ZNF746: variants seen among roughly 807,000 people sequenced by gnomAD.
ZNF746 encodes parkin-interacting substrate.
Under a neutral mutation model 41.0 loss-of-function variants are expected in ZNF746, and 13 were observed. That is an observed-to-expected ratio of 0.32 (90% CI 0.21 to 0.50). The LOEUF is 0.50. Among genes scored for constraint, ZNF746 ranks in the 20% least tolerant of loss-of-function variants. ZNF746 has a pLI of 0.98. For synonymous variants in ZNF746, 424 were observed against 396.2 expected (o/e 1.07, Z -0.83); for missense variants, 811 against 922.9 (o/e 0.88, Z 1.57).
rs1000976830 is a variant in ZNF746, at chr7:149,475,502, C to A, written c.884-19G>T. The A allele has an allele frequency of 1.6e-5, 26 of 1,602,070 alleles. No homozygotes were observed. The Admixed American group carries it at 3.9e-4, about 24-fold the overall frequency. On this transcript the variant is annotated intron_variant, in intron 6 of 6. Coordinates refer to ENST00000458143, the MANE Select transcript of ZNF746 (RefSeq NM_001394198.1). The stretch of plus-strand genomic sequence containing the variant: ...ACATCTGCTGAGAAAGACAGAAAGA[C>A]AGATACTGACCTGTCCCTTAACTGC...
rs117247956 is a variant in ZNF746 at position 149,487,124 on chromosome 7, C to T, written c.565+5735G>A. On this transcript the variant is annotated intron_variant, in intron 4 of 6. Coordinates refer to ENST00000458143, the MANE Select transcript of ZNF746 (RefSeq NM_001394198.1). ...CGAACCCTATTGTGAACTGTGCATG[C>T]GAGGGGTCTGGGTCACACTCCCTTC... Among the ~76,000 whole-genome samples, 51 of 152,204 alleles carry T rather than the reference C, an allele frequency of 3.4e-4. 1 individual carries two copies. Among genetic ancestry groups the T allele is most frequent in the Middle Eastern group, 3.4e-3 (1 of 294 alleles).
intron 4 of ZNF746, among the ~76,000 whole-genome samples, chr7:149,481,649 C>A (rs558892079): frequency 4.6e-5 from 7 of 151,910 alleles, no homozygotes; most frequent in Non-Finnish European, 1.0e-4. Flanking sequence ...TACCATCAGA[C>A]CCACAAAAAA....
At chr7:149,482,403 T>C (rs1257024581) in intron 4 of ZNF746, among the ~76,000 whole-genome samples, 1 of 151,320 alleles carries the variant, frequency 6.6e-6, no homozygotes, top group Admixed American at 6.6e-5. Flanking sequence ...GTAAAAATAT[T>C]CATAGAAATA....
Position 149,475,108 on chromosome 7 carries a change from G to A in ZNF746, c.1259C>T (p.Ser420Phe). The change falls in exon 7 of 7, where the codon TCC becomes TTC. Residue 420 changes from serine (S) to phenylalanine (F), a missense_variant. Physicochemically the swap from Ser to Phe is radical, Grantham distance 155. This residue lies in a region of ZNF746 where 495 missense variants were observed against 481.6 expected (regional missense o/e 1.03). Transcript: ENST00000458143. ...RTGPEGLPYS[S>F]PDNGEAILDP... is the part of the protein sequence containing the mutation. ...CAAGATGGCCTCTCCGTTGTCCGGG[G>A]AGGAGTAAGGAAGCCCCTCGGGCCC... 3 of 1,610,050 alleles carry A rather than the reference G, an allele frequency of 1.9e-6. No individual in the cohort carries two copies. The highest frequency in any genetic ancestry group is 2.5e-6 in the Non-Finnish European group (3 of 1,178,920).
At chr7:149,482,580 T>A (rs1473559957) in intron 4 of ZNF746, among the ~76,000 whole-genome samples, 1 of 151,740 alleles carries the variant, frequency 6.6e-6, no homozygotes, top group Non-Finnish European at 1.5e-5. Context: ...TTCTCCTGCC[T>A]CAGCCTCCCG....
chr7:149,491,635 GA>G, intron 4 of ZNF746: 1 of 520,444 alleles, frequency 1.9e-6, no homozygotes, highest in Non-Finnish European at 3.5e-6. Context: ...CTGCCCTTAG[GA>G]AAGTGCAAAT....
Position 149,474,877 on chromosome 7 carries a change from G to A in ZNF746, c.1490C>T (p.Ser497Leu), listed in dbSNP as rs1163907035. 6.6e-7 allele frequency: 1 copy of A among 1,506,222 alleles called. No homozygotes were observed. The highest frequency in any genetic ancestry group is 1.2e-5 in the South Asian group (1 of 81,928). 93.3% of individuals were successfully genotyped at this position (1,506,222 alleles called of 1,614,324 possible). A position where few individuals can be genotyped will look rare whatever the true frequency, so the allele number is the denominator to read the frequency against. ...GCCGCCACCGCCTGTGCCCGGGCCC[G>A]ACCCGTCGGGCGCCCCACAGCTGCG... The part of the protein sequence containing the change: ...HQRSCGAPDG[S>L]GPGTGGGGSG... Residue 497 changes from serine (S) to leucine (L), a missense_variant, in exon 7 of 7, where the codon TCG becomes TTG. Physicochemically the swap from Ser to Leu is moderately radical, Grantham distance 145. This residue lies in a region of ZNF746 where 495 missense variants were observed against 481.6 expected (regional missense o/e 1.03). Coordinates refer to ENST00000458143, the MANE Select transcript of ZNF746 (RefSeq NM_001394198.1). The surrounding 1 kb of genome is among the most constrained non-coding windows in gnomAD (Gnocchi z 6.3).
Position 149,474,632 on chromosome 7 carries a change from C to A in ZNF746, c.1735G>T (p.Val579Leu). Residue 579 changes from valine (V) to leucine (L), a missense_variant, in exon 7 of 7, where the codon GTG becomes TTG. This residue lies in a region of ZNF746 where 70 missense variants were observed against 127.6 expected (regional missense o/e 0.55). Coordinates refer to ENST00000458143, the MANE Select transcript of ZNF746 (RefSeq NM_001394198.1). The surrounding 1 kb of genome is among the most constrained non-coding windows in gnomAD (Gnocchi z 6.3). ...LIDHYRTHTG[V>L]RPFTCTVCGK... ...CAGACGGTGCAGGTGAAGGGCCGCA[C>A]GCCCGTGTGCGTTCGGTAGTGGTCG... is the stretch of plus-strand genomic sequence containing the variant. The A allele has an allele frequency of 6.2e-7, 1 of 1,613,608 alleles. No individual in the cohort carries two copies. Among genetic ancestry groups the A allele is most frequent in the Non-Finnish European group, 8.5e-7 (1 of 1,179,804 alleles).
In ZNF746 at chr7:149,475,185, C is replaced by G; in HGVS notation, c.1182G>C (p.Arg394=). ...GTTTACACCGGAAATTCCAGCCCCACCGGACCCCTCCGAAGAGCCAGTCCC... is the reference window on the plus strand; with the variant it reads ...GTTTACACCGGAAATTCCAGCCCCAGCGGACCCCTCCGAAGAGCCAGTCCC... The part of the protein sequence containing the change: ...PPGDWLFGGV[R]WGWNFRCKPP... Residue 394 remains arginine (R), a synonymous_variant, in exon 7 of 7, where the codon CGG becomes CGC. Transcript: ENST00000458143. 1 of 1,612,726 alleles carries G rather than the reference C, an allele frequency of 6.2e-7. No individual in the cohort carries two copies. Among genetic ancestry groups the G allele is most frequent in the Admixed American group, 1.7e-5 (1 of 60,004 alleles).
At position 149,497,145 on chromosome 7, in the gene ZNF746, G is replaced by A; in HGVS notation, c.24+368C>T. ...GGTGCCACCAGGCCGCTGCGGGGGA[G>A]ATGGAGAGGGACCTACAGGCCGAGC... is the stretch of plus-strand genomic sequence containing the variant. On this transcript the variant is annotated intron_variant, in intron 1 of 6. Transcript: ENST00000458143. The surrounding 1 kb of genome is among the most constrained non-coding windows in gnomAD (Gnocchi z 4.2). The A allele has an allele frequency of 2.0e-6, 2 of 985,370 alleles. No homozygotes were observed. The highest frequency in any genetic ancestry group is 1.2e-6 in the Non-Finnish European group (1 of 829,912). 61.0% of individuals were successfully genotyped at this position (985,370 alleles called of 1,614,324 possible). A position where few individuals can be genotyped will look rare whatever the true frequency, so the allele number is the denominator to read the frequency against.
rs567297684 is a variant in ZNF746 at position 149,474,040 on chromosome 7, G to A, written c.*344C>T. On this transcript the variant is annotated 3_prime_UTR_variant, in exon 7 of 7. Transcript: ENST00000458143. This position sits in a 1 kb window ranked among gnomAD's most constrained non-coding sequence, Gnocchi z 6.3. The stretch of plus-strand genomic sequence containing the variant: ...CAGTGAGATAGTGACAGAAATGCAC[G>A]CCCTGAAAACCAAAAGTACCTACAA... 5.2e-5 allele frequency: 17 copies of A among 325,708 alleles called. No individual in the cohort carries two copies. The highest frequency in any genetic ancestry group is 3.7e-4 in the South Asian group (14 of 37,780). The allele number at this position is 325,708 out of a possible 1,614,324, so 20.2% of individuals were successfully genotyped here.
chr7:149,474,561 G>T lies in ZNF746; in HGVS notation c.1806C>A (p.Arg602=), dbSNP rs1800218594. The T allele has an allele frequency of 1.2e-6, 2 of 1,610,624 alleles. No individual in the cohort carries two copies. Among genetic ancestry groups the T allele is most frequent in the South Asian group, 1.1e-5 (1 of 90,706 alleles). ...GGGTCTTGGCGCCCGCTGCATGGTT[G>T]CGCTGGTGCTTGCGGAGGTGGTCCT... ...IRKDHLRKHQ[R]NHAAGAKTPA... The change falls in exon 7 of 7, where the codon CGC becomes CGA. Residue 602 remains arginine, a synonymous_variant. Transcript: ENST00000458143. This position sits in a 1 kb window ranked among gnomAD's most constrained non-coding sequence, Gnocchi z 6.3.
chr7:149,497,049 C>T lies in ZNF746; in HGVS notation c.24+464G>A. ...AAGTGCGTGGCTCTATATTCCCTTC[C>T]GCGCCGACCCCGGGAAGCTGGGCAC... On this transcript the variant is annotated intron_variant, in intron 1 of 6. Transcript: ENST00000458143. This position sits in a 1 kb window ranked among gnomAD's most constrained non-coding sequence, Gnocchi z 4.2. 7.1e-6 allele frequency: 7 copies of T among 985,426 alleles called. No homozygotes were observed. The highest frequency in any genetic ancestry group is 8.4e-6 in the Non-Finnish European group (7 of 829,934). 61.0% of individuals were successfully genotyped at this position (985,426 alleles called of 1,614,324 possible). A position where few individuals can be genotyped will look rare whatever the true frequency, so the allele number is the denominator to read the frequency against.
rs752262653 is a variant in ZNF746, at chr7:149,475,225, T to G, written c.1142A>C (p.Glu381Ala). 1 of 1,612,982 alleles carries G rather than the reference T, an allele frequency of 6.2e-7. No homozygotes were observed. Among genetic ancestry groups the G allele is most frequent in the Middle Eastern group, 1.7e-4 (1 of 6,060 alleles). ...GAGCCAGTCCCCAGGAGGGGTCTCC[T>G]CCTGGGCCACAGCAGGACTGAGCTC... The part of the protein sequence containing the change: ...MGELSPAVAQ[E>A]ETPPGDWLFG... The change falls in exon 7 of 7, where the codon GAG (glutamate) becomes GCG (alanine). Residue 381 changes from glutamate (E) to alanine (A), a missense_variant. Glu to Ala is a moderately radical substitution (Grantham distance 107). Transcript: ENST00000458143.
At chr7:149,495,070 C>T (rs1436603008) in intron 1 of ZNF746, among the ~76,000 whole-genome samples, 2 of 151,908 alleles carry the variant, frequency 1.3e-5, no homozygotes, top group Admixed American at 6.6e-5. Flanking sequence ...TTTTTTAAAG[C>T]ATCTCATGTC....
intron 1 of ZNF746, among the ~76,000 whole-genome samples, chr7:149,495,564 C>G (rs1279676514): frequency 1.3e-5 from 2 of 152,160 alleles, no homozygotes; most frequent in Non-Finnish European, 2.9e-5. Context: ...CAGAGGAGCT[C>G]CTGGTATCGG....
Position 149,477,559 on chromosome 7 carries a change from C to T in ZNF746, c.757+5G>A, listed in dbSNP as rs543974142. The T allele has an allele frequency of 6.3e-7, 1 of 1,596,308 alleles. No individual in the cohort carries two copies. The highest frequency in any genetic ancestry group is 1.3e-5 in the African/African-American group (1 of 74,784). On this transcript the variant is annotated splice_donor_5th_base_variant and intron_variant, in intron 5 of 6. Coordinates refer to ENST00000458143, the MANE Select transcript of ZNF746 (RefSeq NM_001394198.1). ...GTTCCTTATGTCCCCGTCTCAGCCACTTACCAGAGGTGGCATCCGTGGAGA... is the reference window on the plus strand; with the variant it reads ...GTTCCTTATGTCCCCGTCTCAGCCATTTACCAGAGGTGGCATCCGTGGAGA...
chr7:149,496,971 C>T, intron 1 of ZNF746: 9 of 985,322 alleles, frequency 9.1e-6, no homozygotes, highest in Non-Finnish European at 1.1e-5. Flanking sequence ...ACACCAGTAC[C>T]CATCCCACAG....
chr7:149,475,698 C>G (rs1800277927), intron 6 of ZNF746, among the ~76,000 whole-genome samples: 1 of 152,146 alleles, frequency 6.6e-6, no homozygotes, highest in South Asian at 2.1e-4. Flanking sequence ...CACCACAGGA[C>G]AAGCCACCAT....
Sources: gnomAD v4.1 joint callset for allele counts (sites outside exome capture counted in the v4.1 genomes callset) on GRCh38, gnomAD v4.1.1 for gene constraint, gnomAD v4.1.1 regional missense constraint, Gnocchi (gnomAD v3.1) non-coding constraint, MANE v1.5 for transcripts, NCBI Gene and HGNC (gene_info 2026-07-23, HGNC 2026-07-21) for gene names.